The following KCNQ5 variants were observed in gnomAD, a reference collection of about 807,000 sequenced individuals.
The protein encoded by KCNQ5 is potassium voltage-gated channel subfamily Q member 5.
Under a neutral mutation model 98.2 loss-of-function variants are expected in KCNQ5, and 30 were observed. The ratio of observed to expected loss-of-function variants is 0.31; its 90% CI spans 0.23 to 0.41. KCNQ5 has a LOEUF of 0.41. KCNQ5 is among the 10% of genes least tolerant of loss of function. The probability of loss-of-function intolerance (pLI) is 1.00; values close to 1 mark genes in which losing one functional copy is unlikely to be tolerated. For missense variants in KCNQ5, 835 were observed against 1,182.5 expected (o/e 0.71, Z 4.31); for synonymous variants, 458 against 449.4 (o/e 1.02, Z -0.24).
chr6:73,105,409 T>C, intron 6 of KCNQ5, 42 bp downstream of exon 6: 1 of 1,237,936 alleles, frequency 8.1e-7, no homozygotes, highest in Non-Finnish European at 1.2e-6. Context: ...AATTAGATCT[T>C]AGAGACTTAT....
intron 1 of KCNQ5, among the ~76,000 whole-genome samples, chr6:72,892,453 C>T (rs1308057020): frequency 6.6e-6 from 1 of 152,166 alleles, no homozygotes; most frequent in East Asian, 1.9e-4. Context: ...GATGAAAGTT[C>T]ACCCAGATCC....
intron 1 of KCNQ5, among the ~76,000 whole-genome samples, chr6:72,765,048 A>G (rs1403979750): frequency 6.6e-6 from 1 of 152,032 alleles, no homozygotes; most frequent in East Asian, 1.9e-4. Flanking sequence ...TTGCTTCCAA[A>G]TCTTAGCTGT....
chr6:73,144,040 C>G lies in KCNQ5; in HGVS notation c.1468+10399C>G, dbSNP rs537778650. The stretch of plus-strand genomic sequence containing the variant: ...AGTTGTCTGCTGCATAAACAGAAAC[C>G]AATATGACACAATTTTAAAATTATA... On this transcript the variant is annotated intron_variant, in intron 10 of 13. Transcript: ENST00000370398. Among the ~76,000 whole-genome samples the G allele has an allele frequency of 2.6e-5, 4 of 152,128 alleles. No homozygotes were observed. In the East Asian group the frequency reaches 7.7e-4, roughly 29 times the overall value.
chr6:73,187,697 T>G (rs769470470), intron 11 of KCNQ5, among the ~76,000 whole-genome samples: 1 of 152,268 alleles, frequency 6.6e-6, no homozygotes, highest in Middle Eastern at 3.2e-3. Flanking sequence ...ATCACAATTA[T>G]AAACCATGGA....
intron 1 of KCNQ5, among the ~76,000 whole-genome samples, chr6:72,865,175 G>A (rs1248274589): frequency 2.6e-5 from 4 of 152,174 alleles, no homozygotes; most frequent in South Asian, 2.1e-4. Flanking sequence ...GAAATTGTAT[G>A]TGGAAATCAG....
chr6:73,008,602 A>G, intron 2 of KCNQ5, among the ~76,000 whole-genome samples: 1 of 152,202 alleles, frequency 6.6e-6, no homozygotes, highest in South Asian at 2.1e-4. Context: ...ACAGGTAATA[A>G]AATACATGAA....
intron 3 of KCNQ5, among the ~76,000 whole-genome samples, chr6:73,075,429 G>A (rs1456411218): frequency 6.6e-6 from 1 of 152,006 alleles, no homozygotes; most frequent in Admixed American, 6.6e-5. Context: ...CACCATGTTG[G>A]CCAGGATGGT....
intron 1 of KCNQ5, among the ~76,000 whole-genome samples, chr6:72,748,751 C>G (rs1191306589): frequency 6.6e-6 from 1 of 152,114 alleles, no homozygotes; most frequent in Non-Finnish European, 1.5e-5. Flanking sequence ...TGAGACAAAC[C>G]TGCCCCTGTT....
chr6:72,964,956 T>C (rs1767535867), intron 1 of KCNQ5, among the ~76,000 whole-genome samples: 1 of 152,180 alleles, frequency 6.6e-6, no homozygotes, highest in African/African-American at 2.4e-5. Context: ...AAAAAATTCT[T>C]TTTTGGTTTA....
chr6:72,661,011 T>C (rs909078971), intron 1 of KCNQ5, among the ~76,000 whole-genome samples: 1 of 152,112 alleles, frequency 6.6e-6, no homozygotes, highest in African/African-American at 2.4e-5. Flanking sequence ...ATACTTTTTT[T>C]CATAAAGTTT....
intron 1 of KCNQ5, among the ~76,000 whole-genome samples, chr6:72,909,255 A>G (rs1779824857): frequency 6.6e-6 from 1 of 152,206 alleles, no homozygotes; most frequent in South Asian, 2.1e-4. Flanking sequence ...TCTCTAGAGA[A>G]AATAGCTTTG....
At chr6:72,727,966 G>A (rs1056712750) in intron 1 of KCNQ5, among the ~76,000 whole-genome samples, 8 of 152,138 alleles carry the variant, frequency 5.3e-5, no homozygotes, top group African/African-American at 1.9e-4. Flanking sequence ...GTCTTCTCAT[G>A]GCAAAAGGCA....
intron 2 of KCNQ5, among the ~76,000 whole-genome samples, chr6:73,019,936 G>A (rs1770514751): frequency 6.6e-6 from 1 of 152,084 alleles, no homozygotes; most frequent in Non-Finnish European, 1.5e-5. Flanking sequence ...TTAACCCAGA[G>A]TAAAATTCCA....
At chr6:73,033,617 A>C (rs1771249313) in intron 2 of KCNQ5, among the ~76,000 whole-genome samples, 1 of 152,148 alleles carries the variant, frequency 6.6e-6, no homozygotes, top group African/African-American at 2.4e-5. Context: ...ACTGTCTGTC[A>C]AAACTACCTC....
rs1200936596 is a variant in KCNQ5 at position 73,158,190 on chromosome 6, G to C, written c.1469-11556G>C. 9 of 296,316 alleles carry C rather than the reference G, an allele frequency of 3.0e-5. No individual in the cohort carries two copies. In the East Asian group the frequency reaches 6.5e-4, roughly 21 times the overall value. The allele number at this position is 296,316 out of a possible 1,614,324, so 18.4% of individuals were successfully genotyped here. ...GGGAAGGGAACGTCCGGGCGAGCAC[G>C]GCGGCGGCGCCGGCCCCAGCGTTGT... On this transcript the variant is annotated intron_variant, in intron 10 of 13. Transcript: ENST00000370398.
At chr6:72,713,533 T>G (rs1769481396) in intron 1 of KCNQ5, among the ~76,000 whole-genome samples, 1 of 152,184 alleles carries the variant, frequency 6.6e-6, no homozygotes, top group Admixed American at 6.5e-5. Context: ...GCAGTTGCAG[T>G]GATCTCCTAA....
chr6:72,640,856 T>G (rs984623065), intron 1 of KCNQ5: 5 of 152,168 alleles, frequency 3.3e-5, no homozygotes, highest in African/African-American at 1.2e-4. Flanking sequence ...CCTTCCTTAC[T>G]TACCTTCCTC....
intron 1 of KCNQ5, among the ~76,000 whole-genome samples, chr6:72,668,305 G>A (rs1766930262): frequency 6.6e-6 from 1 of 152,136 alleles, no homozygotes; most frequent in Admixed American, 6.5e-5. Context: ...TAATTACTGA[G>A]CATCAACTCT....
chr6:72,917,605 T>TG (rs1780208222), intron 1 of KCNQ5, among the ~76,000 whole-genome samples: 1 of 152,032 alleles, frequency 6.6e-6, no homozygotes, highest in African/African-American at 2.4e-5. Flanking sequence ...CCTGAGTAGT[T>TG]GGGACTACAG....
Sources: allele counts gnomAD v4.1 joint callset (sites outside exome capture counted in the v4.1 genomes callset), GRCh38; gene constraint gnomAD v4.1.1; transcripts MANE v1.5; gene names NCBI Gene and HGNC (gene_info 2026-07-23, HGNC 2026-07-21).